The following KCNIP4 variants were observed in gnomAD, a reference collection of about 807,000 sequenced individuals.
The protein encoded by KCNIP4 is potassium voltage-gated channel interacting protein 4.
In KCNIP4, 12 loss-of-function variants were observed where a neutral mutation model predicts 34.0. That is an observed-to-expected ratio of 0.35 (90% confidence interval 0.23 to 0.57). KCNIP4 has a LOEUF of 0.57. KCNIP4 is among the 20% of genes least tolerant of loss of function. The pLI is 0.83. For synonymous variants in KCNIP4, 124 were observed against 102.2 expected (o/e 1.21, Z -1.29); for missense variants, 238 against 311.7 (o/e 0.76, Z 1.78).
At chr4:21,901,795 C>T (rs1257817158) in intron 1 of KCNIP4, among the ~76,000 whole-genome samples, 1 of 151,868 alleles carries the variant, frequency 6.6e-6, no homozygotes, top group Non-Finnish European at 1.5e-5. Flanking sequence ...TTGAAAGTCC[C>T]AAAGAGAGAC....
intron 1 of KCNIP4, among the ~76,000 whole-genome samples, chr4:21,030,070 C>T (rs952134727): frequency 2.6e-5 from 4 of 152,170 alleles, no homozygotes; most frequent in East Asian, 3.9e-4. Flanking sequence ...TGGACTGGAA[C>T]CTGTCAGTGG....
chr4:21,789,568 A>T (rs1720139435), intron 1 of KCNIP4, among the ~76,000 whole-genome samples: 1 of 152,244 alleles, frequency 6.6e-6, no homozygotes, highest in Admixed American at 6.5e-5. Flanking sequence ...CAACTGGGTC[A>T]CAGAGGGGTG....
intron 1 of KCNIP4, among the ~76,000 whole-genome samples, chr4:21,192,796 C>T (rs1032121081): frequency 1.2e-4 from 18 of 151,986 alleles, no homozygotes; most frequent in African/African-American, 4.1e-4. Flanking sequence ...CCACTCATGC[C>T]TGTAATCCCA....
At chr4:21,911,558 T>G (rs1728323227) in intron 1 of KCNIP4, among the ~76,000 whole-genome samples, 1 of 146,156 alleles carries the variant, frequency 6.8e-6, no homozygotes, top group Non-Finnish European at 1.5e-5. Context: ...TGAGATGGGA[T>G]TTCTGAAAAT....
At chr4:21,446,238 T>C (rs985327980) in intron 1 of KCNIP4, among the ~76,000 whole-genome samples, 1 of 152,052 alleles carries the variant, frequency 6.6e-6, no homozygotes, top group Non-Finnish European at 1.5e-5. Context: ...GATCTAGAAC[T>C]AGAAATACCA....
intron 1 of KCNIP4, among the ~76,000 whole-genome samples, chr4:21,769,770 T>C (rs1258759296): frequency 1.3e-5 from 2 of 152,124 alleles, no homozygotes; most frequent in Non-Finnish European, 2.9e-5. Context: ...TTATGTCTAT[T>C]AATGGGCTAG....
intron 1 of KCNIP4, among the ~76,000 whole-genome samples, chr4:21,308,751 A>G (rs1712785630): frequency 6.6e-6 from 1 of 151,920 alleles, no homozygotes. Flanking sequence ...GCAGATAAGT[A>G]TGAAGCGGCA....
In KCNIP4 at chr4:21,041,230, T is replaced by TCACACACACA. The variant is rs57664737; in HGVS notation, c.62-158531_62-158522dup. On this transcript the variant is annotated intron_variant, in intron 1 of 8. Coordinates refer to ENST00000382152, the MANE Select transcript of KCNIP4 (RefSeq NM_025221.6). ...TGGCTCTCAGTGAATGATATATATT[T>TCACACACACA]CACACACACACACACACACACACAC... Among the ~76,000 whole-genome samples, 656 of 144,756 alleles carry TCACACACACA rather than the reference T, an allele frequency of 4.5e-3. 3 individuals are homozygous for TCACACACACA. The highest frequency in any genetic ancestry group is 0.011 in the African/African-American group (431 of 39,232). The allele number at this position is 144,756 out of a possible 152,430, so 95.0% of individuals were successfully genotyped here. A position where few individuals can be genotyped will look rare whatever the true frequency, so the allele number is the denominator to read the frequency against.
rs190051415 is a variant in KCNIP4 at position 21,776,340 on chromosome 4, T to A, written c.61+172231A>T. The stretch of plus-strand genomic sequence containing the variant: ...TTCACATACTTACTATGGTTTTTTT[T>A]TTCGATGGGAGCCTCCGAACGTTGC... On this transcript the variant is annotated intron_variant, in intron 1 of 8. Coordinates refer to ENST00000382152, the MANE Select transcript of KCNIP4 (RefSeq NM_025221.6). Among the ~76,000 whole-genome samples, 38 of 152,332 alleles carry A rather than the reference T, an allele frequency of 2.5e-4. No individual in the cohort carries two copies. The East Asian group carries it at 7.0e-3, about 28-fold the overall frequency.
At chr4:21,238,700 T>G (rs1759561134) in intron 1 of KCNIP4, among the ~76,000 whole-genome samples, 1 of 152,130 alleles carries the variant, frequency 6.6e-6, no homozygotes, top group Non-Finnish European at 1.5e-5. Flanking sequence ...CAAGGAGAAC[T>G]ACAAACCACT....
chr4:21,566,196 G>A (rs1390409754), intron 1 of KCNIP4, among the ~76,000 whole-genome samples: 1 of 152,282 alleles, frequency 6.6e-6, no homozygotes, highest in Non-Finnish European at 1.5e-5. Flanking sequence ...GTTGGCAATA[G>A]TGTGAAGAAT....
At chr4:21,068,910 A>C in intron 1 of KCNIP4, among the ~76,000 whole-genome samples, 1 of 152,184 alleles carries the variant, frequency 6.6e-6, no homozygotes, top group East Asian at 1.9e-4. Flanking sequence ...TAGATGTGTT[A>C]TTGTATATGA....
chr4:21,894,868 T>C (rs1727295040), intron 1 of KCNIP4, among the ~76,000 whole-genome samples: 1 of 152,224 alleles, frequency 6.6e-6, no homozygotes, highest in Non-Finnish European at 1.5e-5. Flanking sequence ...CTTGATACCT[T>C]AGTACTCCAT....
intron 1 of KCNIP4, among the ~76,000 whole-genome samples, chr4:21,085,390 T>C (rs989859532): frequency 6.6e-6 from 1 of 152,162 alleles, no homozygotes; most frequent in African/African-American, 2.4e-5. Context: ...GTCTATATAG[T>C]ATTCTGTTAT....
chr4:21,242,955 C>T (rs955554978), intron 1 of KCNIP4, among the ~76,000 whole-genome samples: 32 of 151,664 alleles, frequency 2.1e-4, no homozygotes, highest in African/African-American at 7.5e-4. Context: ...ACTAGTACAA[C>T]AGTAACCAGT....
chr4:20,877,793 A>G (rs1317236190), intron 2 of KCNIP4, among the ~76,000 whole-genome samples: 1 of 152,088 alleles, frequency 6.6e-6, no homozygotes, highest in East Asian at 1.9e-4. Context: ...CAGTAAGCGT[A>G]TCTGTATCAC....
intron 1 of KCNIP4, among the ~76,000 whole-genome samples, chr4:21,757,319 G>T (rs933541528): frequency 2.6e-5 from 4 of 151,826 alleles, no homozygotes; most frequent in African/African-American, 9.7e-5. Context: ...AAGAAAGAAA[G>T]AAACTATCAT....
intron 1 of KCNIP4, among the ~76,000 whole-genome samples, chr4:21,152,015 G>A (rs1422741965): frequency 1.3e-5 from 2 of 152,158 alleles, no homozygotes; most frequent in Non-Finnish European, 2.9e-5. Flanking sequence ...CAGTTTTGGA[G>A]GCAGAGATGG....
chr4:21,159,212 G>T (rs1169476792), intron 1 of KCNIP4, among the ~76,000 whole-genome samples: 1 of 152,082 alleles, frequency 6.6e-6, no homozygotes, highest in Non-Finnish European at 1.5e-5. Flanking sequence ...ATTCAAGACT[G>T]ATTATAAAGC....
Sources: allele counts gnomAD v4.1 joint callset (sites outside exome capture counted in the v4.1 genomes callset), GRCh38; gene constraint gnomAD v4.1.1; transcripts MANE v1.5; gene names NCBI Gene and HGNC (gene_info 2026-07-23, HGNC 2026-07-21).